Variants in PTPRN2 observed in about 807,000 individuals in gnomAD.
PTPRN2 encodes protein tyrosine phosphatase receptor type N2.
Under a neutral mutation model 118.8 loss-of-function variants are expected in PTPRN2, and 74 were observed. The observed-to-expected ratio is 0.62, with a 90% CI of 0.52 to 0.76. PTPRN2 has a LOEUF of 0.76. Among genes scored for constraint, PTPRN2 ranks in the 30% least tolerant of loss-of-function variants. PTPRN2 has a pLI of 0.00. For missense variants in PTPRN2, 1,481 were observed against 1,394.4 expected, an observed-to-expected ratio of 1.06 and a Z score of -0.99; for synonymous variants, 641 against 608.0, an observed-to-expected ratio of 1.05 and a Z score of -0.80.
chr7:158,501,192 G>T (rs2129446353), intron 1 of PTPRN2, among the ~76,000 whole-genome samples: 1 of 152,372 alleles, frequency 6.6e-6, no homozygotes. Context: ...CACTTGCGGA[G>T]CCGCAGAGGG....
intron 3 of PTPRN2, among the ~76,000 whole-genome samples, chr7:158,231,206 G>A (rs1377490280): frequency 6.6e-6 from 1 of 152,164 alleles, no homozygotes; most frequent in Non-Finnish European, 1.5e-5. Context: ...GGTCAAGCCT[G>A]CAGTGAGCCA....
rs529062909 is a variant in PTPRN2, at chr7:157,615,430, G to A, written c.2344+5932C>T. 6 of 471,062 alleles carry A rather than the reference G, an allele frequency of 1.3e-5. No homozygotes were observed. The highest frequency in any genetic ancestry group is 2.6e-5 in the Non-Finnish European group (6 of 227,048). 29.2% of individuals were successfully genotyped at this position (471,062 alleles called of 1,614,324 possible). ...GTGTGAATCTCAGGGCTGTTTCGAGGATGAAAAGGAGGTGTTTAGCCCCGA... is the reference window on the plus strand; with the variant it reads ...GTGTGAATCTCAGGGCTGTTTCGAGAATGAAAAGGAGGTGTTTAGCCCCGA... On this transcript the variant is annotated intron_variant, in intron 15 of 22. Transcript: ENST00000389418. The surrounding 1 kb of genome is among the most constrained non-coding windows in gnomAD (Gnocchi z 4.3).
rs887957456 is a variant in PTPRN2, at chr7:157,794,790, A to G, written c.1788+103883T>C. On this transcript the variant is annotated intron_variant, in intron 12 of 22. Coordinates refer to ENST00000389418, the MANE Select transcript of PTPRN2 (RefSeq NM_002847.5). This position sits in a 1 kb window ranked among gnomAD's most constrained non-coding sequence, Gnocchi z 5.2. ...AGAACAGTGAGCTACCTTCTCTCCC[A>G]GTAACCTTTTCCAGAGGAAACCTCT... Among the ~76,000 whole-genome samples, 1 of 152,224 alleles carries G rather than the reference A, an allele frequency of 6.6e-6. No individual in the cohort carries two copies. The highest frequency in any genetic ancestry group is 1.9e-4 in the East Asian group (1 of 5,192).
At chr7:158,058,846 G>C (rs376456404) in intron 11 of PTPRN2, among the ~76,000 whole-genome samples, 21 of 110,538 alleles carry the variant, frequency 1.9e-4, no homozygotes, top group South Asian at 3.3e-4. Flanking sequence ...CACACGGTGA[G>C]ACATCACTGC....
chr7:157,778,761 G>A (rs1011646644), intron 12 of PTPRN2, among the ~76,000 whole-genome samples: 16 of 152,042 alleles, frequency 1.1e-4, no homozygotes, highest in South Asian at 8.3e-4. Flanking sequence ...ACATGTCCAC[G>A]TGAATACGGG....
At chr7:158,275,629 AAATTGCT>A (rs1473307128) in intron 3 of PTPRN2, among the ~76,000 whole-genome samples, 1 of 152,262 alleles carries the variant, frequency 6.6e-6, no homozygotes, top group Non-Finnish European at 1.5e-5. Context: ...TAATAATTTA[AAATTGCT>A]AATTGCACGT....
At chr7:158,111,835 T>A (rs1199368534) in intron 9 of PTPRN2, among the ~76,000 whole-genome samples, 1 of 152,150 alleles carries the variant, frequency 6.6e-6, no homozygotes, top group African/African-American at 2.4e-5. Context: ...TATGTTGAAA[T>A]CCTAAAACCC....
chr7:157,555,901 G>A (rs966025726), intron 21 of PTPRN2, among the ~76,000 whole-genome samples: 1 of 152,200 alleles, frequency 6.6e-6, no homozygotes, highest in African/African-American at 2.4e-5. Flanking sequence ...CCCCAGGAGC[G>A]CAGAGCTCCT....
chr7:157,588,544 G>A (rs1800806596), intron 17 of PTPRN2, among the ~76,000 whole-genome samples: 1 of 152,222 alleles, frequency 6.6e-6, no homozygotes, highest in South Asian at 2.1e-4. Flanking sequence ...GCACTGTGGG[G>A]CCACGTCCCC....
At chr7:158,136,996 C>A (rs79242617) in intron 7 of PTPRN2, among the ~76,000 whole-genome samples, 16 of 64,544 alleles carry the variant, frequency 2.5e-4, no homozygotes, top group Middle Eastern at 5.7e-3. Flanking sequence ...CAAAAAAAAA[C>A]CCCATCGTAC....
intron 12 of PTPRN2, among the ~76,000 whole-genome samples, chr7:157,818,287 T>A (rs1395002193): frequency 6.6e-6 from 1 of 152,022 alleles, no homozygotes; most frequent in Non-Finnish European, 1.5e-5. Context: ...CGGCAGTGTG[T>A]TGGTCATAGG....
At chr7:157,565,491 C>G (rs1318229440) in intron 21 of PTPRN2, among the ~76,000 whole-genome samples, 3 of 152,246 alleles carry the variant, frequency 2.0e-5, no homozygotes, top group Non-Finnish European at 2.9e-5. Flanking sequence ...TGGGGCCACA[C>G]AGGCACCCTC....
chr7:158,494,716 G>A (rs56249742), intron 1 of PTPRN2, among the ~76,000 whole-genome samples: 29,999 of 152,090 alleles, frequency 0.2, 3,130 homozygotes, highest in South Asian at 0.34. Context: ...ACACAGCAAC[G>A]GGAACGCCAG....
At chr7:158,341,364 GCAGACGTCACTC>G (rs1806737875) in intron 2 of PTPRN2, among the ~76,000 whole-genome samples, 1 of 144,896 alleles carries the variant, frequency 6.9e-6, no homozygotes, top group East Asian at 2.1e-4. Context: ...GGTAACACAT[GCAGACGTCACTC>G]ACACCCACAC....
intron 2 of PTPRN2, among the ~76,000 whole-genome samples, chr7:158,358,284 C>T (rs567372935): frequency 9.4e-4 from 143 of 152,282 alleles, no homozygotes; most frequent in African/African-American, 3.3e-3. Context: ...CATGGGGGGC[C>T]CTCTTTCCTG....
At chr7:158,156,693 G>A (rs1231463112) in intron 6 of PTPRN2, among the ~76,000 whole-genome samples, 1 of 152,172 alleles carries the variant, frequency 6.6e-6, no homozygotes, top group Admixed American at 6.5e-5. Flanking sequence ...TCCAGCCTGT[G>A]ACGCACTCAC....
chr7:158,395,644 GC>G (rs1812370985), intron 2 of PTPRN2, among the ~76,000 whole-genome samples: 1 of 128,076 alleles, frequency 7.8e-6, no homozygotes, highest in Non-Finnish European at 1.6e-5. Context: ...CAGGGGCGAG[GC>G]GCGAGGGGAG....
intron 11 of PTPRN2, among the ~76,000 whole-genome samples, chr7:158,061,745 A>G (rs1450340600): frequency 1.3e-5 from 2 of 152,228 alleles, no homozygotes; most frequent in Non-Finnish European, 2.9e-5. Flanking sequence ...GGACCTAACA[A>G]TGATCCTGAT....
intron 12 of PTPRN2, among the ~76,000 whole-genome samples, chr7:157,795,376 C>A (rs571567263): frequency 6.6e-6 from 1 of 152,226 alleles, no homozygotes; most frequent in Non-Finnish European, 1.5e-5. Flanking sequence ...GCAAAATCTC[C>A]GACTCCACAT....
Sources: gnomAD v4.1 joint callset for allele counts (sites outside exome capture counted in the v4.1 genomes callset) on GRCh38, gnomAD v4.1.1 for gene constraint, Gnocchi (gnomAD v3.1) non-coding constraint, MANE v1.5 for transcripts, NCBI Gene and HGNC (gene_info 2026-07-23, HGNC 2026-07-21) for gene names.